Variants in HLX observed in about 807,000 individuals in gnomAD.
HLX encodes the protein H2.0-like homeobox protein.
Under a neutral mutation model 27.7 loss-of-function variants are expected in HLX, and 6 were observed. The ratio of observed to expected loss-of-function variants is 0.22; its 90% CI spans 0.12 to 0.43. The LOEUF (loss-of-function observed/expected upper bound fraction) is 0.43. Ranked by LOEUF, HLX falls within the 20% of genes least tolerant of loss-of-function variation. The probability of loss-of-function intolerance (pLI) is 1.00; values close to 1 mark genes in which losing one functional copy is unlikely to be tolerated. For missense variants in HLX, 666 were observed against 655.2 expected, an observed-to-expected ratio of 1.02 and a Z score of -0.18; for synonymous variants, 328 against 293.8, an observed-to-expected ratio of 1.12 and a Z score of -1.19.
Position 220,880,365 on chromosome 1 carries a change from TCCAG to T in HLX, c.510_513del (p.Ser171LysfsTer25). 1 of 1,614,008 alleles carries T rather than the reference TCCAG, an allele frequency of 6.2e-7. No homozygotes were observed. Among genetic ancestry groups the T allele is most frequent in the Non-Finnish European group, 8.5e-7 (1 of 1,179,994 alleles). ...CCACAGTGGCTCTGCCCCGGCCCCCTCCAGCAAAGACCTCAAATTTGGAATTGAC... is the reference window on the plus strand; with the variant it reads ...CCACAGTGGCTCTGCCCCGGCCCCCTCAAAGACCTCAAATTTGGAATTGAC... On this transcript the variant is annotated frameshift_variant, in exon 1 of 4. Coordinates refer to ENST00000366903, the MANE Select transcript of HLX (RefSeq NM_021958.4). LOFTEE classifies it high-confidence loss of function.
In HLX at chr1:220,882,168, C is replaced by T; in HGVS notation, c.777C>T (p.Pro259=). The change falls in exon 3 of 4, where the codon CCC becomes CCT. Residue 259 remains proline (P), a synonymous_variant. Coordinates refer to ENST00000366903, the MANE Select transcript of HLX (RefSeq NM_021958.4). ...QHQFQDTFPG[P]YAVLTKDTMP... ...CTGGCTCCCGTTCTGCGGCAGGTCC[C>T]TATGCTGTGCTCACGAAGGACACCA... 6 of 1,614,056 alleles carry T rather than the reference C, an allele frequency of 3.7e-6. No individual in the cohort carries two copies. Among genetic ancestry groups the T allele is most frequent in the Non-Finnish European group, 5.1e-6 (6 of 1,179,984 alleles).
intron 1 of HLX, 93 bp from the exon 2 acceptor site, chr1:220,881,101 T>G (rs1235697775): frequency 2.6e-6 from 3 of 1,159,358 alleles, no homozygotes; most frequent in Non-Finnish European, 3.8e-6. Flanking sequence ...TCAATAAAAG[T>G]GAATCCAGGG....
rs200442482 is a variant in HLX, at chr1:220,880,219, A to G, written c.362A>G (p.His121Arg). The change falls in exon 1 of 4, where the codon CAC becomes CGC. Residue 121 changes from histidine to arginine, a missense_variant. Coordinates refer to ENST00000366903, the MANE Select transcript of HLX (RefSeq NM_021958.4). ...TCTCCGCTCTCAGCCGCCTACCACC[A>G]CCATCACCCGCAACAACAACAGCAG... ...RLSPLSAAYH[H>R]HHPQQQQQQQ... The G allele has an allele frequency of 1.2e-4, 200 of 1,612,196 alleles. No individual in the cohort carries two copies. Among genetic ancestry groups the G allele is most frequent in the Non-Finnish European group, 1.6e-4 (187 of 1,178,830 alleles).
intron 1 of HLX, 158 bp from the exon 2 acceptor site, chr1:220,881,036 C>A: frequency 1.4e-6 from 1 of 692,170 alleles, no homozygotes; most frequent in African/African-American, 1.8e-5. Context: ...CGCTCCTTGG[C>A]AACTGTTGGG....
In HLX at chr1:220,880,100, G is replaced by A. The variant is rs776566897; in HGVS notation, c.243G>A (p.Pro81=). Reference sequence around the variant, plus strand: ...CCGCGCACTTGGGCTCGGTTCACCCGCACGCCTCTTTCCAAGCGGCGGCCA... The same window carrying A: ...CCGCGCACTTGGGCTCGGTTCACCCACACGCCTCTTTCCAAGCGGCGGCCA... ...ALTAHLGSVH[P]HASFQAAARS... The change falls in exon 1 of 4, where the codon CCG becomes CCA. Residue 81 remains proline (P), a synonymous_variant. Coordinates refer to ENST00000366903, the MANE Select transcript of HLX (RefSeq NM_021958.4). The A allele has an allele frequency of 1.9e-6, 3 of 1,598,342 alleles. No individual in the cohort carries two copies. The highest frequency in any genetic ancestry group is 1.7e-4 in the Middle Eastern group (1 of 5,850).
chr1:220,879,489 T>A lies in HLX; in HGVS notation c.-369T>A, dbSNP rs1163959980. 1 of 273,774 alleles carries A rather than the reference T, an allele frequency of 3.7e-6. No individual in the cohort carries two copies. The allele number at this position is 273,774 out of a possible 1,614,324, so 17.0% of individuals were successfully genotyped here. A position where few individuals can be genotyped will look rare whatever the true frequency, so the allele number is the denominator to read the frequency against. On this transcript the variant is annotated 5_prime_UTR_variant, in exon 1 of 4. Transcript: ENST00000366903. ...CTAACGGACTATTATTGTTGTTGTT[T>A]TAAATTTAGCTCTTAGGGCTTAGCT...
In HLX at chr1:220,884,598, G is replaced by A. The variant is rs755287073; in HGVS notation, c.1361G>A (p.Ser454Asn). 1.3e-5 allele frequency: 21 copies of A among 1,607,314 alleles called. No individual in the cohort carries two copies. Among genetic ancestry groups the A allele is most frequent in the Non-Finnish European group, 1.6e-5 (19 of 1,176,962 alleles). Residue 454 changes from serine (S) to asparagine (N), a missense_variant, in exon 4 of 4, where the codon AGC becomes AAC. Coordinates refer to ENST00000366903, the MANE Select transcript of HLX (RefSeq NM_021958.4). This position sits in a 1 kb window ranked among gnomAD's most constrained non-coding sequence, Gnocchi z 4.9. ...SSSTSAGCAS[S>N]LGGGGASELL... ...AGCACCAGTGCGGGTTGCGCCAGCA[G>A]CCTTGGCGGCGGCGGCGCCTCGGAG...
Position 220,879,482 on chromosome 1 carries a change from T to G in HLX, c.-376T>G. ...CCCCTAACTAACGGACTATTATTGT[T>G]GTTGTTTTAAATTTAGCTCTTAGGG... is the stretch of plus-strand genomic sequence containing the variant. On this transcript the variant is annotated 5_prime_UTR_variant, in exon 1 of 4. Coordinates refer to ENST00000366903, the MANE Select transcript of HLX (RefSeq NM_021958.4). 4.3e-6 allele frequency: 1 copy of G among 235,040 alleles called. No homozygotes were observed. Among genetic ancestry groups the G allele is most frequent in the Non-Finnish European group, 8.3e-6 (1 of 121,194 alleles). The allele number at this position is 235,040 out of a possible 1,614,324, so 14.6% of individuals were successfully genotyped here.
In HLX at chr1:220,880,188, C is replaced by A. The variant is rs747201663; in HGVS notation, c.331C>A (p.Arg111=). 6.2e-7 allele frequency: 1 copy of A among 1,612,134 alleles called. No individual in the cohort carries two copies. The highest frequency in any genetic ancestry group is 8.5e-7 in the Non-Finnish European group (1 of 1,178,996). The part of the protein sequence containing the change: ...PSEVPAGFPQ[R]LSPLSAAYHH... ...CGAAGTCCCGGCTGGCTTCCCGCAG[C>A]GGCTGTCTCCGCTCTCAGCCGCCTA... is the stretch of plus-strand genomic sequence containing the variant. The change falls in exon 1 of 4, where the codon CGG becomes AGG. Residue 111 remains arginine (R), a synonymous_variant. Transcript: ENST00000366903.
chr1:220,881,458 C>A, intron 2 of HLX, 85 bp downstream of exon 2: 1 of 1,149,210 alleles, frequency 8.7e-7, no homozygotes, highest in Non-Finnish European at 1.3e-6. Context: ...AGGGCTGCCA[C>A]GGTGTCGCAA....
At chr1:220,881,620 G>A in intron 2 of HLX, 1 of 578,334 alleles carries the variant, frequency 1.7e-6, no homozygotes, top group South Asian at 2.0e-5. Flanking sequence ...TGGGGTGGGG[G>A]GCTTTCTCGA....
At chr1:220,881,536 C>T in intron 2 of HLX, 163 bp downstream of exon 2, 4 of 717,536 alleles carry the variant, frequency 5.6e-6, no homozygotes, top group South Asian at 4.5e-5. Flanking sequence ...AGCGAGCTAG[C>T]GCTCGCTTCG....
At position 220,880,343 on chromosome 1, in the gene HLX, C is replaced by T. The variant is rs1010457891; in HGVS notation, c.486C>T (p.His162=). Residue 162 remains histidine (H), a synonymous_variant, in exon 1 of 4, where the codon CAC becomes CAT. Coordinates refer to ENST00000366903, the MANE Select transcript of HLX (RefSeq NM_021958.4). ...CGCGAGTGGTTCCGAACCCCCACCA[C>T]AGTGGCTCTGCCCCGGCCCCCTCCA... ...SGTRVVPNPH[H]SGSAPAPSSK... is the part of the protein sequence containing the mutation. The T allele has an allele frequency of 5.6e-6, 9 of 1,614,030 alleles. No individual in the cohort carries two copies. The highest frequency in any genetic ancestry group is 6.8e-6 in the Non-Finnish European group (8 of 1,179,900).
chr1:220,879,717 TC>T lies in HLX; in HGVS notation c.-140del, dbSNP rs909076581. ...CGGTGGCGCTAGGGCTCCCGGCCTC[TC>T]TTCCTCAGTGCGGGCGGAGAAGCGA... On this transcript the variant is annotated 5_prime_UTR_variant, in exon 1 of 4. Coordinates refer to ENST00000366903, the MANE Select transcript of HLX (RefSeq NM_021958.4). 6.1e-6 allele frequency: 8 copies of T among 1,315,210 alleles called. No homozygotes were observed. In the African/African-American group the frequency reaches 7.8e-5, roughly 13 times the overall value. 81.5% of individuals were successfully genotyped at this position (1,315,210 alleles called of 1,614,324 possible). A position where few individuals can be genotyped will look rare whatever the true frequency, so the allele number is the denominator to read the frequency against.
In HLX at chr1:220,881,298, G is replaced by T. The variant is rs1010701197; in HGVS notation, c.697G>T (p.Ala233Ser). The T allele has an allele frequency of 7.4e-6, 12 of 1,613,980 alleles. No individual in the cohort carries two copies. In the African/African-American group the frequency reaches 1.5e-4, roughly 20 times the overall value. Residue 233 changes from alanine to serine, a missense_variant, in exon 2 of 4, where the codon GCT becomes TCT. Physicochemically the swap from Ala to Ser is moderately conservative, Grantham distance 99. Transcript: ENST00000366903. ...FFASLDPINE[A>S]SAILSPLNSN... ...CGCATCTCTAGATCCCATTAACGAG[G>T]CTTCTGCAATCCTGAGTCCCTTAAA...
chr1:220,880,528 G>A, intron 1 of HLX, 79 bp downstream of exon 1: 1 of 1,490,950 alleles, frequency 6.7e-7, no homozygotes. Context: ...GGGTGCCTTT[G>A]AGTGTTTTTA....
Position 220,879,899 on chromosome 1 carries a change from C to G in HLX, c.42C>G (p.Phe14Leu). ...AGLAPFYASN[F>L]SLWSAAYCSS... ...TGGCTCCCTTCTACGCCTCCAACTT[C>G]AGCCTCTGGTCGGCCGCTTACTGCT... is the stretch of plus-strand genomic sequence containing the variant. Residue 14 changes from phenylalanine to leucine, a missense_variant, in exon 1 of 4, where the codon TTC (phenylalanine) becomes TTG (leucine). By Grantham distance (22) the Phe-to-Leu change is conservative. Transcript: ENST00000366903. 1 of 1,593,954 alleles carries G rather than the reference C, an allele frequency of 6.3e-7. No homozygotes were observed. Among genetic ancestry groups the G allele is most frequent in the Non-Finnish European group, 8.5e-7 (1 of 1,176,250 alleles).
chr1:220,884,661 C>T lies in HLX; in HGVS notation c.1424C>T (p.Pro475Leu), dbSNP rs1468456818. 2.5e-6 allele frequency: 4 copies of T among 1,610,830 alleles called. No homozygotes were observed. The highest frequency in any genetic ancestry group is 3.4e-6 in the Non-Finnish European group (4 of 1,179,426). Residue 475 changes from proline (P) to leucine (L), a missense_variant, in exon 4 of 4, where the codon CCC becomes CTC. By Grantham distance (98) the Pro-to-Leu change is moderately conservative. Transcript: ENST00000366903. The surrounding 1 kb of genome is among the most constrained non-coding windows in gnomAD (Gnocchi z 4.9). ...PATQPTASSA[P>L]KSPEPAQGAL... ...ACACAGCCCACAGCCAGCAGCGCTC[C>T]CAAAAGCCCCGAGCCAGCCCAAGGC...
Position 220,880,464 on chromosome 1 carries a change from G to T in HLX, c.592+15G>T, listed in dbSNP as rs1418547354. ...CACGCTGAGAGGTAGGTCTTGGGCGGGAGGCTGCAGGCCTCTGACCACTGA... is the reference window on the plus strand; with the variant it reads ...CACGCTGAGAGGTAGGTCTTGGGCGTGAGGCTGCAGGCCTCTGACCACTGA... On this transcript the variant is annotated intron_variant, in intron 1 of 3. Coordinates refer to ENST00000366903, the MANE Select transcript of HLX (RefSeq NM_021958.4). The T allele has an allele frequency of 6.2e-7, 1 of 1,613,064 alleles. No individual in the cohort carries two copies. The highest frequency in any genetic ancestry group is 8.5e-7 in the Non-Finnish European group (1 of 1,179,950).
Sources: gnomAD v4.1 joint callset for allele counts on GRCh38, gnomAD v4.1.1 for gene constraint, Gnocchi (gnomAD v3.1) non-coding constraint, MANE v1.5 for transcripts, NCBI Gene and HGNC (gene_info 2026-07-23, HGNC 2026-07-21) for gene names.